GALNT11: variants seen among roughly 807,000 people sequenced by gnomAD.
The protein encoded by GALNT11 is UDP-GalNAc:polypeptide N-acetylgalactosaminyltransferase 11.
A neutral mutation model predicts 72.7 loss-of-function variants in GALNT11; 47 were observed. The ratio of observed to expected loss-of-function variants is 0.65; its 90% confidence interval spans 0.51 to 0.82. The LOEUF is 0.82. GALNT11 is among the 40% of genes least tolerant of loss of function. The pLI is 0.00. For synonymous variants in GALNT11, 270 were observed against 286.6 expected, an observed-to-expected ratio of 0.94 and a Z score of 0.58; for missense variants, 677 against 778.4, an observed-to-expected ratio of 0.87 and a Z score of 1.55.
At chr7:152,078,977 G>A (rs148179957) in intron 1 of GALNT11, among the ~76,000 whole-genome samples, 6 of 151,186 alleles carry the variant, frequency 4.0e-5, no homozygotes, top group African/African-American at 1.5e-4. Context: ...TTTATAGGTA[G>A]CTCCTACTCT....
chr7:152,108,276 T>G lies in GALNT11; in HGVS notation c.951T>G (p.Thr317=), dbSNP rs759176875. 6.2e-6 allele frequency: 10 copies of G among 1,609,420 alleles called. No individual in the cohort carries two copies. The South Asian group carries it at 1.1e-4, about 18-fold the overall frequency. ...LSELGRAEGA[T]APIKSPTMAG... is the part of the protein sequence containing the mutation. ...AGCTAGGACGAGCGGAGGGAGCCACTGCACCAATAAAGTAAGATCGCTCCT... is the reference window on the plus strand; with the variant it reads ...AGCTAGGACGAGCGGAGGGAGCCACGGCACCAATAAAGTAAGATCGCTCCT... The change falls in exon 6 of 12, where the codon ACT becomes ACG. Residue 317 remains threonine, a synonymous_variant. Transcript: ENST00000430044.
At chr7:152,084,015 T>C (rs2129025094) in intron 1 of GALNT11, among the ~76,000 whole-genome samples, 2 of 152,336 alleles carry the variant, frequency 1.3e-5, no homozygotes, top group African/African-American at 4.8e-5. Context: ...TTGAAATCAA[T>C]GTTATGTTCA....
intron 8 of GALNT11, among the ~76,000 whole-genome samples, chr7:152,114,347 TA>T (rs1456592070): frequency 1.3e-5 from 2 of 152,194 alleles, no homozygotes; most frequent in South Asian, 2.1e-4. Context: ...TGTCTCTACT[TA>T]ATTTGCCTTT....
chr7:152,091,395 C>T (rs2129035092), intron 1 of GALNT11, among the ~76,000 whole-genome samples: 1 of 152,202 alleles, frequency 6.6e-6, no homozygotes, highest in South Asian at 2.1e-4. Context: ...TGTGCGCCGC[C>T]ACGTCCCGCT....
chr7:152,042,484 G>A (rs1162637844), intron 1 of GALNT11, among the ~76,000 whole-genome samples: 1 of 152,092 alleles, frequency 6.6e-6, no homozygotes, highest in African/African-American at 2.4e-5. Flanking sequence ...TTACTCAGCG[G>A]CCATTGTTCT....
intron 1 of GALNT11, among the ~76,000 whole-genome samples, chr7:152,093,250 A>G (rs2086158636): frequency 6.6e-6 from 1 of 151,520 alleles, no homozygotes; most frequent in Non-Finnish European, 1.5e-5. Context: ...AAAAAAAAAA[A>G]GCTTAGGAAA....
chr7:152,084,671 C>G (rs1156295872), intron 1 of GALNT11, among the ~76,000 whole-genome samples: 2 of 152,168 alleles, frequency 1.3e-5, no homozygotes, highest in African/African-American at 4.8e-5. Flanking sequence ...TTATACTCTT[C>G]TCTAAGATTT....
rs78083853 is a variant in GALNT11, at chr7:152,074,115, T to C, written c.-38-20075T>C. ...GTTGTCTTTTCACTCTGCTGATTGT[T>C]TCCTTTGCTGTATAGAAGTTTTTTA... On this transcript the variant is annotated intron_variant, in intron 1 of 11. Transcript: ENST00000430044. 1.6e-3 allele frequency among the ~76,000 whole-genome samples: 245 copies of C among 152,368 alleles called. 6 individuals are homozygous for C. In the East Asian group the frequency reaches 0.04, roughly 25 times the overall value.
intron 1 of GALNT11, among the ~76,000 whole-genome samples, chr7:152,066,438 C>T (rs968680706): frequency 1.3e-5 from 2 of 152,184 alleles, no homozygotes; most frequent in African/African-American, 4.8e-5. Flanking sequence ...AGGCTGCACC[C>T]ACTGTCCTGC....
chr7:152,030,943 G>A (rs982096283), intron 1 of GALNT11, among the ~76,000 whole-genome samples: 1 of 152,138 alleles, frequency 6.6e-6, no homozygotes, highest in African/African-American at 2.4e-5. Context: ...ACCTCCTTGG[G>A]TTTTTGCACT....
chr7:152,044,456 T>A (rs1201178819), intron 1 of GALNT11, among the ~76,000 whole-genome samples: 1 of 152,234 alleles, frequency 6.6e-6, no homozygotes, highest in Non-Finnish European at 1.5e-5. Context: ...CATGAGCATG[T>A]CACAGTGCTG....
chr7:152,089,919 A>G (rs1030254993), intron 1 of GALNT11, among the ~76,000 whole-genome samples: 9 of 152,244 alleles, frequency 5.9e-5, no homozygotes, highest in Admixed American at 3.3e-4. Context: ...GATGTTATCT[A>G]TAGGAACAAT....
intron 1 of GALNT11, chr7:152,074,896 C>T (rs1007989308): frequency 3.3e-5 from 5 of 152,226 alleles, no homozygotes; most frequent in Admixed American, 2.6e-4. Flanking sequence ...GGGAGGAATG[C>T]CCTTTGCATT....
rs531947632 is a variant in GALNT11, at chr7:152,028,074, A to G, written c.-39+2190A>G. 2.0e-5 allele frequency among the ~76,000 whole-genome samples: 3 copies of G among 152,362 alleles called. No homozygotes were observed. In the East Asian group the frequency reaches 5.8e-4, roughly 29 times the overall value. On this transcript the variant is annotated intron_variant, in intron 1 of 11. Coordinates refer to ENST00000430044, the MANE Select transcript of GALNT11 (RefSeq NM_022087.4). ...ACCTTCACAGTCAGTGTTACAGCTC[A>G]TAAAGTTAGTGCAGACCCAAAGAGT...
intron 1 of GALNT11, among the ~76,000 whole-genome samples, chr7:152,059,278 T>C (rs1342302372): frequency 6.6e-6 from 1 of 152,020 alleles, no homozygotes; most frequent in African/African-American, 2.4e-5. Context: ...TTGTATTTTT[T>C]TTTTGTAGCG....
At chr7:152,118,987 T>C (rs1272158327) in intron 10 of GALNT11, 3 of 381,484 alleles carry the variant, frequency 7.9e-6, no homozygotes, top group Non-Finnish European at 1.4e-5. Flanking sequence ...AGGGTCTGAT[T>C]TTTCACCGAA....
intron 1 of GALNT11, among the ~76,000 whole-genome samples, chr7:152,034,725 T>C (rs752119876): frequency 6.6e-6 from 1 of 152,166 alleles, no homozygotes; most frequent in African/African-American, 2.4e-5. Flanking sequence ...GGTCGGTCCC[T>C]GGACCCTGCG....
chr7:152,079,660 C>T (rs557470971), intron 1 of GALNT11, among the ~76,000 whole-genome samples: 6 of 152,180 alleles, frequency 3.9e-5, no homozygotes, highest in Non-Finnish European at 5.9e-5. Flanking sequence ...ATTCAGCAAT[C>T]GCCTTATGTG....
chr7:152,118,440 A>G (rs1204803710), intron 9 of GALNT11: 1 of 441,170 alleles, frequency 2.3e-6, no homozygotes, highest in African/African-American at 2.1e-5. Context: ...TAGAATTCCT[A>G]GCTGACACTG....
Sources: gnomAD v4.1 joint callset for allele counts (sites outside exome capture counted in the v4.1 genomes callset) on GRCh38, gnomAD v4.1.1 for gene constraint, MANE v1.5 for transcripts, NCBI Gene and HGNC (gene_info 2026-07-23, HGNC 2026-07-21) for gene names.